NUP62CL: variants seen among roughly 807,000 people sequenced by gnomAD.
NUP62CL encodes nucleoporin 62 C-terminal like.
In NUP62CL, 13 loss-of-function variants were observed where a neutral mutation model predicts 15.3. That is an observed-to-expected ratio of 0.85 (90% CI 0.55 to 1.35). NUP62CL has a LOEUF of 1.35. Ranked by LOEUF, NUP62CL falls within the 40% of genes most tolerant of loss-of-function variation. The pLI, the probability that NUP62CL is intolerant of heterozygous loss-of-function variation, is 0.00. For synonymous variants in NUP62CL, 54 were observed against 49.2 expected (o/e 1.10, Z -0.41); for missense variants, 123 against 130.6 (o/e 0.94, Z 0.28).
intron 3 of NUP62CL, among the ~76,000 whole-genome samples, chrX:107,174,793 C>A (rs903178379): frequency 2.7e-5 from 3 of 111,915 alleles, no homozygotes; most frequent in Non-Finnish European, 5.6e-5. Flanking sequence ...TGGCAAAACT[C>A]CCACTCTCCC....
At chrX:107,124,728 C>T (rs140435134) in intron 8 of NUP62CL, among the ~76,000 whole-genome samples, 3,354 of 111,130 alleles carry the variant, frequency 0.03, 135 homozygotes, top group African/African-American at 0.1. Context: ...ATTTACATTT[C>T]TGTTCTTTTC....
chrX:107,180,440 C>T (rs1483215800), intron 2 of NUP62CL, among the ~76,000 whole-genome samples: 2 of 111,572 alleles, frequency 1.8e-5, no homozygotes, highest in Non-Finnish European at 3.8e-5. Context: ...ATAGCACATC[C>T]AGAGCATGGA....
rs1897382276 is a variant in NUP62CL at position 107,146,036 on chromosome X, A to T, written c.*42+1707T>A. Reference sequence around the variant, plus strand: ...AGATTCAAATTAAACATTTTTGATAAGACTACTACATAAATGGTATTGTAT... The same window carrying T: ...AGATTCAAATTAAACATTTTTGATATGACTACTACATAAATGGTATTGTAT... On this transcript the variant is annotated intron_variant, in intron 8 of 8. Coordinates refer to ENST00000372466, the MANE Select transcript of NUP62CL (RefSeq NM_017681.3). Among the ~76,000 whole-genome samples, 3 of 111,975 alleles carry T rather than the reference A, an allele frequency of 2.7e-5. No individual in the cohort carries two copies. The South Asian group carries it at 1.1e-3, about 42-fold the overall frequency.
chrX:107,129,156 G>A (rs765813024), intron 8 of NUP62CL, among the ~76,000 whole-genome samples: 4 of 111,763 alleles, frequency 3.6e-5, no homozygotes, highest in Non-Finnish European at 5.6e-5. Context: ...CAAGAAAGGA[G>A]ACAACAAAAA....
At chrX:107,160,268 T>C (rs1926325197) in intron 4 of NUP62CL, among the ~76,000 whole-genome samples, 1 of 104,404 alleles carries the variant, frequency 9.6e-6, no homozygotes, top group African/African-American at 3.7e-5. Flanking sequence ...CTTCACAGAA[T>C]TGGAAAAAAC....
chrX:107,192,567 G>T (rs1459470536), intron 2 of NUP62CL, among the ~76,000 whole-genome samples: 1 of 111,046 alleles, frequency 9.0e-6, no homozygotes, highest in Non-Finnish European at 1.9e-5. Context: ...TTTTTGTAGA[G>T]ACGGAGTTTT....
At chrX:107,151,099 A>C in intron 7 of NUP62CL, 1 of 258,833 alleles carries the variant, frequency 3.9e-6, no homozygotes, top group East Asian at 1.0e-4. Flanking sequence ...GAGCTCAGTT[A>C]TGACTACTGA....
chrX:107,203,490 T>C (rs1325031893), intron 1 of NUP62CL, among the ~76,000 whole-genome samples: 1 of 110,419 alleles, frequency 9.1e-6, no homozygotes, highest in Non-Finnish European at 1.9e-5. Context: ...AAGTGATTCT[T>C]CCGCCTCAGC....
chrX:107,158,034 G>A (rs1230393447), intron 4 of NUP62CL, among the ~76,000 whole-genome samples: 1 of 88,024 alleles, frequency 1.1e-5, no homozygotes, highest in African/African-American at 4.4e-5. Context: ...GACAAAGAAG[G>A]CCATTACATA....
At chrX:107,205,283 T>G (rs1179146787) in intron 1 of NUP62CL, among the ~76,000 whole-genome samples, 2 of 111,885 alleles carry the variant, frequency 1.8e-5, no homozygotes, top group Non-Finnish European at 3.8e-5. Context: ...GATGGCATAA[T>G]ATCTATAATT....
At chrX:107,157,383 G>C (rs1378211029) in intron 4 of NUP62CL, among the ~76,000 whole-genome samples, 1 of 109,009 alleles carries the variant, frequency 9.2e-6, no homozygotes, top group Non-Finnish European at 1.9e-5. Flanking sequence ...AGAGAGAAAG[G>C]TCAGGTTACC....
chrX:107,123,855 C>A lies in NUP62CL; in HGVS notation c.*520G>T. 1 of 116,164 alleles carries A rather than the reference C, an allele frequency of 8.6e-6. No individual in the cohort carries two copies. Among genetic ancestry groups the A allele is most frequent in the Non-Finnish European group, 1.8e-5 (1 of 55,656 alleles). The allele number at this position is 116,164 out of a possible 1,213,427, so 9.6% of individuals were successfully genotyped here. A position where few individuals can be genotyped will look rare whatever the true frequency, so the allele number is the denominator to read the frequency against. On this transcript the variant is annotated 3_prime_UTR_variant, in exon 9 of 9. Coordinates refer to ENST00000372466, the MANE Select transcript of NUP62CL (RefSeq NM_017681.3). Reference sequence around the variant, plus strand: ...AGCATTAATTATATCTCAAACTAGACAGTAGGTTCCTTTGAGGAGAAGAGA... The same window carrying A: ...AGCATTAATTATATCTCAAACTAGAAAGTAGGTTCCTTTGAGGAGAAGAGA...
chrX:107,189,705 T>G (rs138844406), intron 2 of NUP62CL, among the ~76,000 whole-genome samples: 3,001 of 106,592 alleles, frequency 0.028, 128 homozygotes, highest in African/African-American at 0.097. Flanking sequence ...AAGAATCACT[T>G]GAGCCTGGGA....
chrX:107,202,403 A>G (rs958138252), intron 1 of NUP62CL, among the ~76,000 whole-genome samples: 4 of 111,446 alleles, frequency 3.6e-5, no homozygotes, highest in Non-Finnish European at 7.5e-5. Context: ...CTTTATAAAA[A>G]TTGTTTAAAT....
At chrX:107,201,944 G>GA (rs1319592655) in intron 1 of NUP62CL, among the ~76,000 whole-genome samples, 97 of 106,631 alleles carry the variant, frequency 9.1e-4, no homozygotes, top group South Asian at 6.5e-3. Flanking sequence ...TCTCAAAAAA[G>GA]AAAAAAAAAC....
At chrX:107,154,316 G>A (rs1218480287) in intron 4 of NUP62CL, 70 bp from the exon 5 acceptor site, 1 of 871,499 alleles carries the variant, frequency 1.1e-6, no homozygotes, top group South Asian at 3.0e-5. Flanking sequence ...TTTTAAAAAC[G>A]AACACAGGAG....
At chrX:107,205,229 A>C (rs891924840) in intron 1 of NUP62CL, among the ~76,000 whole-genome samples, 1 of 111,827 alleles carries the variant, frequency 8.9e-6, no homozygotes, top group Non-Finnish European at 1.9e-5. Flanking sequence ...ACTTAGAATA[A>C]TGCACAGTGA....
intron 2 of NUP62CL, among the ~76,000 whole-genome samples, chrX:107,185,702 A>G (rs993634576): frequency 5.4e-5 from 6 of 112,114 alleles, no homozygotes; most frequent in African/African-American, 1.9e-4. Context: ...CATAATTTAA[A>G]AAATGACACA....
chrX:107,152,031 AATATATATATATATTCAG>A (rs1264040376), intron 7 of NUP62CL, among the ~76,000 whole-genome samples: 1 of 70,138 alleles, frequency 1.4e-5, no homozygotes, highest in East Asian at 4.4e-4. Context: ...CTTCATCTTG[AATATATATATATATTCAG>A]ATATATATAT....
Sources: allele counts gnomAD v4.1 joint callset (sites outside exome capture counted in the v4.1 genomes callset), GRCh38; gene constraint gnomAD v4.1.1; transcripts MANE v1.5; gene names NCBI Gene and HGNC (gene_info 2026-07-23, HGNC 2026-07-21).